TSPEAR: variants seen among roughly 807,000 people sequenced by gnomAD.
TSPEAR encodes thrombospondin type laminin G domain and EAR repeats.
A neutral mutation model predicts 71.6 loss-of-function variants in TSPEAR; 69 were observed. The ratio of observed to expected loss-of-function variants is 0.96; its 90% confidence interval spans 0.79 to 1.18. The LOEUF is 1.18. TSPEAR is among the 50% of genes most tolerant of loss of function. The pLI, the probability that TSPEAR is intolerant of heterozygous loss-of-function variation, is 0.00. For synonymous variants in TSPEAR, 402 were observed against 387.2 expected, an observed-to-expected ratio of 1.04 and a Z score of -0.45; for missense variants, 971 against 894.9, an observed-to-expected ratio of 1.09 and a Z score of -1.09.
intron 4 of TSPEAR, among the ~76,000 whole-genome samples, chr21:44,530,349 C>G (rs374463099): frequency 2.0e-5 from 3 of 152,016 alleles, no homozygotes; most frequent in African/African-American, 7.3e-5. Context: ...TTCATCCATG[C>G]ATTCATCCAT....
chr21:44,522,719 G>A (rs1260839600), intron 8 of TSPEAR, among the ~76,000 whole-genome samples: 1 of 152,272 alleles, frequency 6.6e-6, no homozygotes, highest in African/African-American at 2.4e-5. Context: ...CCAGGCCAGT[G>A]CTCCTCACTG....
At chr21:44,606,097 G>A (rs1981286794) in intron 1 of TSPEAR, among the ~76,000 whole-genome samples, 1 of 137,642 alleles carries the variant, frequency 7.3e-6, no homozygotes, top group African/African-American at 2.9e-5. Flanking sequence ...CAACTCAGTA[G>A]CAAGAAAATA....
At chr21:44,607,586 C>T (rs1981394542) in intron 1 of TSPEAR, among the ~76,000 whole-genome samples, 1 of 152,190 alleles carries the variant, frequency 6.6e-6, no homozygotes, top group Non-Finnish European at 1.5e-5. Flanking sequence ...AAATGCCACA[C>T]ATAAGAGAGT....
chr21:44,558,457 G>A (rs1555920360), intron 2 of TSPEAR: 2 of 1,614,094 alleles, frequency 1.2e-6, no homozygotes, highest in Admixed American at 1.7e-5. Flanking sequence ...CAGCAAGCTG[G>A]CTGGCAGCTA....
At chr21:44,582,956 G>A (rs141324977) in intron 1 of TSPEAR, among the ~76,000 whole-genome samples, 64 of 152,194 alleles carry the variant, frequency 4.2e-4, no homozygotes, top group African/African-American at 1.4e-3. Flanking sequence ...CCGAGTAGCT[G>A]GGATTACAGG....
intron 9 of TSPEAR, among the ~76,000 whole-genome samples, chr21:44,521,658 C>T (rs2052737008): frequency 6.6e-6 from 1 of 152,246 alleles, no homozygotes; most frequent in African/African-American, 2.4e-5. Flanking sequence ...CCTGGACTGT[C>T]CCTGGGCGCA....
intron 2 of TSPEAR, chr21:44,551,105 A>G (rs1321019979): frequency 3.9e-6 from 6 of 1,542,558 alleles, no homozygotes; most frequent in Non-Finnish European, 5.3e-6. Flanking sequence ...GGCAGCATGA[A>G]GAAGCCCCAC....
At chr21:44,588,780 T>TG (rs1979534027) in intron 1 of TSPEAR, among the ~76,000 whole-genome samples, 3 of 110,796 alleles carry the variant, frequency 2.7e-5, no homozygotes, top group Non-Finnish European at 6.3e-5. Flanking sequence ...TATATGTATG[T>TG]GTGTGTGTAT....
intron 1 of TSPEAR, among the ~76,000 whole-genome samples, chr21:44,699,075 G>A (rs1313347232): frequency 6.6e-6 from 1 of 152,138 alleles, no homozygotes; most frequent in African/African-American, 2.4e-5. Flanking sequence ...GCACGCGCCT[G>A]TGGTACCACC....
chr21:44,517,882 G>A (rs781913650), intron 9 of TSPEAR: 1 of 471,134 alleles, frequency 2.1e-6, no homozygotes, highest in Non-Finnish European at 4.4e-6. Flanking sequence ...CGCCCTTTCA[G>A]TCTGATGAGA....
Position 44,666,534 on chromosome 21 carries a change from G to A in TSPEAR, c.82+44899C>T, listed in dbSNP as rs1477504452. 54 of 1,612,908 alleles carry A rather than the reference G, an allele frequency of 3.3e-5. No individual in the cohort carries two copies. Among genetic ancestry groups the A allele is most frequent in the East Asian group, 1.1e-4 (5 of 44,870 alleles). ...GCAGCACCCAGAGGACTGGCAGGAC[G>A]GAGCCGCATACACGACAGGCCTGCA... On this transcript the variant is annotated intron_variant, in intron 1 of 11. Coordinates refer to ENST00000323084, the MANE Select transcript of TSPEAR (RefSeq NM_144991.3).
intron 2 of TSPEAR, among the ~76,000 whole-genome samples, chr21:44,566,895 T>C (rs782099911): frequency 6.6e-6 from 1 of 152,000 alleles, no homozygotes; most frequent in Non-Finnish European, 1.5e-5. Flanking sequence ...GTACCAAAAG[T>C]ATAAAACTCT....
rs781860126 is a variant in TSPEAR, at chr21:44,539,515, C to T, written c.304-5592G>A. The T allele has an allele frequency of 3.7e-6, 6 of 1,613,662 alleles. No homozygotes were observed. In the South Asian group the frequency reaches 5.5e-5, roughly 15 times the overall value. On this transcript the variant is annotated intron_variant, in intron 2 of 11. Transcript: ENST00000323084. ...AGCAAGCCGGCTGGCAGCTAGACTGCTGGCAGCATGAAGTGGAAGCCCCAG... is the reference window on the plus strand; with the variant it reads ...AGCAAGCCGGCTGGCAGCTAGACTGTTGGCAGCATGAAGTGGAAGCCCCAG...
At chr21:44,655,121 G>C (rs1424637201) in intron 1 of TSPEAR, among the ~76,000 whole-genome samples, 1 of 152,238 alleles carries the variant, frequency 6.6e-6, no homozygotes. Flanking sequence ...CAGAGGTCTA[G>C]CACTGTGCCA....
intron 1 of TSPEAR, among the ~76,000 whole-genome samples, chr21:44,635,896 T>C (rs1983533386): frequency 6.6e-6 from 1 of 152,216 alleles, no homozygotes; most frequent in Non-Finnish European, 1.5e-5. Flanking sequence ...TATCAGCATT[T>C]TAAATCTTGT....
At chr21:44,676,233 A>G (rs1986306508) in intron 1 of TSPEAR, 1 of 1,325,096 alleles carries the variant, frequency 7.5e-7, no homozygotes, top group Non-Finnish European at 1.1e-6. Flanking sequence ...TTTGAACAGC[A>G]TAAAAGCGGA....
intron 1 of TSPEAR, chr21:44,697,040 TCCCTCCTGC>T: frequency 9.4e-7 from 1 of 1,060,346 alleles, no homozygotes; most frequent in Non-Finnish European, 1.3e-6. Context: ...ACTCACTCCC[TCCCTCCTGC>T]CCATCCAGCA....
At chr21:44,573,720 ATC>A (rs1569193888) in intron 1 of TSPEAR, 1 of 1,590,946 alleles carries the variant, frequency 6.3e-7, no homozygotes, top group African/African-American at 1.3e-5. Context: ...ACTCCCTCCC[ATC>A]TCCCCCAGCT....
rs2053695518 is a variant in TSPEAR at position 44,565,814 on chromosome 21, T to C, written c.303+1971A>G. Among the ~76,000 whole-genome samples the C allele has an allele frequency of 2.0e-5, 3 of 152,228 alleles. 1 individual carries two copies. Among genetic ancestry groups the C allele is most frequent in the South Asian group, 2.1e-4 (1 of 4,834 alleles). On this transcript the variant is annotated intron_variant, in intron 2 of 11. Coordinates refer to ENST00000323084, the MANE Select transcript of TSPEAR (RefSeq NM_144991.3). Reference sequence around the variant, plus strand: ...TGGAAAAGAAGAAACAAATCATCTCTATTCACAGATGATATAATCTTATAT... The same window carrying C: ...TGGAAAAGAAGAAACAAATCATCTCCATTCACAGATGATATAATCTTATAT...
Sources: allele counts gnomAD v4.1 joint callset (sites outside exome capture counted in the v4.1 genomes callset), GRCh38; gene constraint gnomAD v4.1.1; transcripts MANE v1.5; gene names NCBI Gene and HGNC (gene_info 2026-07-23, HGNC 2026-07-21).